TMEM63C: variants seen among roughly 807,000 people sequenced by gnomAD.
The protein encoded by TMEM63C is osmosensitive cation channel TMEM63C.
Under a neutral mutation model 99.2 loss-of-function variants are expected in TMEM63C, and 32 were observed. The observed-to-expected ratio is 0.32, with a 90% CI of 0.24 to 0.43. The LOEUF (loss-of-function observed/expected upper bound fraction) is 0.43, where lower values mean the gene tolerates loss of function less well. Ranked by LOEUF, TMEM63C falls within the 20% of genes least tolerant of loss-of-function variation. The probability of loss-of-function intolerance (pLI) is 1.00; values close to 1 mark genes in which losing one functional copy is unlikely to be tolerated. For synonymous variants in TMEM63C, 376 were observed against 397.9 expected, an observed-to-expected ratio of 0.94 and a Z score of 0.66; for missense variants, 826 against 1,053.0, an observed-to-expected ratio of 0.78 and a Z score of 2.98.
chr14:77,208,282 C>T (rs1029371340), intron 1 of TMEM63C, among the ~76,000 whole-genome samples: 2 of 152,206 alleles, frequency 1.3e-5, no homozygotes, highest in African/African-American at 4.8e-5. Context: ...ACTCCTCACC[C>T]AGTCAGGAGG....
chr14:77,252,048 A>T (rs1889373150), intron 22 of TMEM63C, 150 bp downstream of exon 22: 1 of 667,632 alleles, frequency 1.5e-6, no homozygotes, highest in South Asian at 1.8e-5. Context: ...CCCAGTGTGC[A>T]TGCGTGCATG....
rs544711934 is a variant in TMEM63C, at chr14:77,251,840, T to C, written c.2090T>C (p.Met697Thr). ...TCCCTGTCCACCCTCCTCATTGCCA[T>C]GGTGATTGCCTTTGTTGGCATTTTT... ...IFSLSTLLIA[M>T]VIAFVGIFLG... The change falls in exon 22 of 24, where the codon ATG becomes ACG. Residue 697 changes from methionine to threonine, a missense_variant. Coordinates refer to ENST00000298351, the MANE Select transcript of TMEM63C (RefSeq NM_020431.4). The C allele has an allele frequency of 1.4e-5, 23 of 1,613,950 alleles. No homozygotes were observed. The South Asian group carries it at 2.4e-4, about 17-fold the overall frequency.
intron 14 of TMEM63C, 25 bp from the exon 15 acceptor site, chr14:77,242,878 G>A: frequency 1.2e-6 from 2 of 1,613,876 alleles, no homozygotes; most frequent in East Asian, 2.2e-5. Context: ...CTCTAAATGT[G>A]CCTCCTTCTT....
intron 2 of TMEM63C, among the ~76,000 whole-genome samples, chr14:77,217,432 G>A (rs1002082845): frequency 6.6e-6 from 1 of 152,218 alleles, no homozygotes; most frequent in African/African-American, 2.4e-5. Flanking sequence ...AATCCCACAA[G>A]GGAGGGATTT....
At chr14:77,195,367 A>T (rs1888197552) in intron 1 of TMEM63C, among the ~76,000 whole-genome samples, 1 of 152,064 alleles carries the variant, frequency 6.6e-6, no homozygotes, top group African/African-American at 2.4e-5. Flanking sequence ...TGCTTTCAGG[A>T]AAGGGACCGA....
At chr14:77,236,210 A>C (rs1349589866) in intron 8 of TMEM63C, among the ~76,000 whole-genome samples, 6 of 4,814 alleles carry the variant, frequency 1.2e-3, no homozygotes, top group Admixed American at 5.3e-3. Context: ...GGATGGGGGT[A>C]TGGGGAGACT....
chr14:77,256,573 C>T lies in TMEM63C; in HGVS notation c.2268C>T (p.Pro756=), dbSNP rs199631427. The T allele has an allele frequency of 1.3e-5, 21 of 1,613,900 alleles. No homozygotes were observed. Among genetic ancestry groups the T allele is most frequent in the Admixed American group, 5.0e-5 (3 of 60,014 alleles). The part of the protein sequence containing the change: ...VLQEPELNLT[P]ASSPARHTYG... ...AAGAACCGGAGTTGAATCTGACCCC[C>T]GCCTCCTCCCCAGCCAGGCACACCT... Residue 756 remains proline, a synonymous_variant, in exon 24 of 24, where the codon CCC becomes CCT. Transcript: ENST00000298351.
At position 77,257,693 on chromosome 14, in the gene TMEM63C, C is replaced by T. The variant is rs1441242967; in HGVS notation, c.*967C>T. 1 of 152,256 alleles carries T rather than the reference C, an allele frequency of 6.6e-6. No individual in the cohort carries two copies. The allele number at this position is 152,256 out of a possible 1,614,324, so 9.4% of individuals were successfully genotyped here. A position where few individuals can be genotyped will look rare whatever the true frequency, so the allele number is the denominator to read the frequency against. ...CCTACCCAACTGAGTGCCTGGGCCC[C>T]CAGCTTGGCCAAGATGGGCAGTACG... On this transcript the variant is annotated 3_prime_UTR_variant, in exon 24 of 24. Coordinates refer to ENST00000298351, the MANE Select transcript of TMEM63C (RefSeq NM_020431.4).
intron 2 of TMEM63C, 125 bp from the exon 3 acceptor site, chr14:77,218,676 G>A: frequency 1.1e-6 from 1 of 884,308 alleles, no homozygotes; most frequent in Non-Finnish European, 1.7e-6. Context: ...TCCTGTCTTG[G>A]GTCTGAAGTG....
intron 2 of TMEM63C, among the ~76,000 whole-genome samples, chr14:77,214,714 A>T (rs1031514732): frequency 6.6e-6 from 1 of 151,286 alleles, no homozygotes; most frequent in South Asian, 2.1e-4. Context: ...GCTGATGTCA[A>T]TGTCCACATC....
At chr14:77,200,689 C>T (rs1594851285) in intron 1 of TMEM63C, among the ~76,000 whole-genome samples, 2 of 152,376 alleles carry the variant, frequency 1.3e-5, no homozygotes, top group African/African-American at 4.8e-5. Context: ...CTGAACTAGG[C>T]TCACATCTTG....
intron 6 of TMEM63C, among the ~76,000 whole-genome samples, chr14:77,225,859 A>C (rs1363476981): frequency 6.6e-6 from 1 of 152,016 alleles, no homozygotes; most frequent in Admixed American, 6.5e-5. Context: ...CATCGGGCAG[A>C]AGGGCAGGCC....
chr14:77,239,069 A>C (rs1295792084), intron 10 of TMEM63C, among the ~76,000 whole-genome samples: 1 of 152,202 alleles, frequency 6.6e-6, no homozygotes, highest in African/African-American at 2.4e-5. Context: ...TATTTAGAGA[A>C]GATCATCTGG....
chr14:77,235,065 G>T (rs1889012636), intron 8 of TMEM63C, among the ~76,000 whole-genome samples: 1 of 152,136 alleles, frequency 6.6e-6, no homozygotes, highest in Admixed American at 6.5e-5. Context: ...CCACATGCAT[G>T]GCTATGTGTG....
chr14:77,233,644 T>A (rs1888984291), intron 8 of TMEM63C, 144 bp downstream of exon 8: 1 of 790,844 alleles, frequency 1.3e-6, no homozygotes, highest in Admixed American at 2.1e-5. Context: ...CTGAGTGAGA[T>A]GCCAGAAGCT....
chr14:77,192,337 G>A (rs1268563977), intron 1 of TMEM63C, among the ~76,000 whole-genome samples: 1 of 152,136 alleles, frequency 6.6e-6, no homozygotes, highest in African/African-American at 2.4e-5. Flanking sequence ...CACAGAAAGG[G>A]TAGGCAACTT....
intron 3 of TMEM63C, 103 bp downstream of exon 3, chr14:77,219,066 C>A: frequency 1.6e-6 from 2 of 1,280,078 alleles, no homozygotes; most frequent in Non-Finnish European, 1.0e-6. Flanking sequence ...TGGACAACAA[C>A]AACATTGATA....
At position 77,201,828 on chromosome 14, in the gene TMEM63C, C is replaced by T. The variant is rs534474194; in HGVS notation, c.-76-11618C>T. ...CGGTTTCTTCTCTGCTGAAGGCTTC[C>T]AAGAAGGCCCTGGGGCTGGGCCCCC... On this transcript the variant is annotated intron_variant, in intron 1 of 23. Transcript: ENST00000298351. Among the ~76,000 whole-genome samples, 20 of 152,298 alleles carry T rather than the reference C, an allele frequency of 1.3e-4. 1 individual carries two copies. The highest frequency in any genetic ancestry group is 9.8e-4 in the Admixed American group (15 of 15,300).
At chr14:77,191,419 T>G (rs1477493076) in intron 1 of TMEM63C, among the ~76,000 whole-genome samples, 1 of 152,082 alleles carries the variant, frequency 6.6e-6, no homozygotes, top group Non-Finnish European at 1.5e-5. Context: ...CTTGAGATAA[T>G]GTATATTCTG....
Sources: allele counts gnomAD v4.1 joint callset (sites outside exome capture counted in the v4.1 genomes callset), GRCh38; gene constraint gnomAD v4.1.1; transcripts MANE v1.5; gene names NCBI Gene and HGNC (gene_info 2026-07-23, HGNC 2026-07-21).